The following NSUN3 variants were observed in gnomAD, a reference collection of about 807,000 sequenced individuals.
The protein encoded by NSUN3 is tRNA (cytosine(34)-C(5))-methyltransferase, mitochondrial.
A neutral mutation model predicts 36.8 loss-of-function variants in NSUN3; 24 were observed. The ratio of observed to expected loss-of-function variants is 0.65; its 90% CI spans 0.47 to 0.92. The LOEUF (loss-of-function observed/expected upper bound fraction) is 0.92, where lower values mean the gene tolerates loss of function less well. Among genes scored for constraint, NSUN3 ranks in the 40% least tolerant of loss-of-function variants. The pLI, the probability that NSUN3 is intolerant of heterozygous loss-of-function variation, is 0.00. For missense variants in NSUN3, 381 were observed against 392.8 expected (o/e 0.97, Z 0.25); for synonymous variants, 146 against 145.2 (o/e 1.01, Z -0.04).
Position 94,130,330 on chromosome 3 carries a change from G to C in NSUN3, c.*3840G>C, listed in dbSNP as rs2077504695. 6.6e-6 allele frequency among the ~76,000 whole-genome samples: 1 copy of C among 152,072 alleles called. No individual in the cohort carries two copies. Among genetic ancestry groups the C allele is most frequent in the African/African-American group, 2.4e-5 (1 of 41,408 alleles). On this transcript the variant is annotated 3_prime_UTR_variant, in exon 6 of 6. Transcript: ENST00000314622. ...AGTAATAGCAGACCCTGCACAAAGT[G>C]GATATCAGAGTTAATACTGTGAAGA...
At chr3:94,097,193 T>A (rs2077345275) in intron 5 of NSUN3, among the ~76,000 whole-genome samples, 2 of 152,174 alleles carry the variant, frequency 1.3e-5, no homozygotes, top group South Asian at 2.1e-4. Flanking sequence ...ATTTTCATTG[T>A]AAAAAAATAA....
rs138902222 is a variant in NSUN3, at chr3:94,126,008, C to T, written c.744-203C>T. On this transcript the variant is annotated intron_variant, in intron 5 of 5. Transcript: ENST00000314622. ...CTGGGAGGCAGTCATCGCAGTGAGCCGAGATGGCATCACTGCACTCCAGCC... is the reference window on the plus strand; with the variant it reads ...CTGGGAGGCAGTCATCGCAGTGAGCTGAGATGGCATCACTGCACTCCAGCC... Among the ~76,000 whole-genome samples, 1,314 of 151,072 alleles carry T rather than the reference C, an allele frequency of 8.7e-3. 17 individuals are homozygous for T. The highest frequency in any genetic ancestry group is 0.03 in the African/African-American group (1,246 of 41,146).
At chr3:94,074,458 T>G (rs1369253760) in intron 2 of NSUN3, among the ~76,000 whole-genome samples, 1 of 152,216 alleles carries the variant, frequency 6.6e-6, no homozygotes, top group African/African-American at 2.4e-5. Context: ...TTTCCATTTG[T>G]TTGTGTCCTC....
chr3:94,072,967 C>T (rs765218743), intron 2 of NSUN3, among the ~76,000 whole-genome samples: 4 of 152,094 alleles, frequency 2.6e-5, no homozygotes, highest in African/African-American at 7.2e-5. Context: ...CCTCACCACC[C>T]GACAGGCCCT....
At chr3:94,076,036 A>G (rs1170566797) in intron 2 of NSUN3, 1 of 1,608,474 alleles carries the variant, frequency 6.2e-7, no homozygotes, top group Non-Finnish European at 8.5e-7. Context: ...GTTCATTGGG[A>G]TTCCAGGAGA....
In NSUN3 at chr3:94,127,587, A is replaced by C. The variant is rs1046181980; in HGVS notation, c.*1097A>C. ...TCAGTCAGCATCACACTTTTTCTCC[A>C]GAAATTACTTCACTTAGAGTACAAA... On this transcript the variant is annotated 3_prime_UTR_variant, in exon 6 of 6. Transcript: ENST00000314622. 6.6e-6 allele frequency: 1 copy of C among 152,196 alleles called. No individual in the cohort carries two copies. The highest frequency in any genetic ancestry group is 1.5e-5 in the Non-Finnish European group (1 of 68,028). The allele number at this position is 152,196 out of a possible 1,614,324, so 9.4% of individuals were successfully genotyped here.
At chr3:94,106,495 T>C (rs1038542495) in intron 5 of NSUN3, among the ~76,000 whole-genome samples, 4 of 152,216 alleles carry the variant, frequency 2.6e-5, no homozygotes, top group Non-Finnish European at 4.4e-5. Context: ...AATAATACTT[T>C]TAAAACTGAT....
At chr3:94,068,785 T>C (rs1006945814) in intron 2 of NSUN3, among the ~76,000 whole-genome samples, 1 of 145,890 alleles carries the variant, frequency 6.9e-6, no homozygotes, top group African/African-American at 2.5e-5. Flanking sequence ...GAAAAAAAAA[T>C]ACACACACAC....
Position 94,084,417 on chromosome 3 carries a change from A to C in NSUN3, c.433A>C (p.Lys145Gln). 7 of 1,614,008 alleles carry C rather than the reference A, an allele frequency of 4.3e-6. No homozygotes were observed. The highest frequency in any genetic ancestry group is 5.9e-6 in the Non-Finnish European group (7 of 1,179,962). Reference protein sequence around the residue: ...VLDLCAAPGGKSIALLQCACP... With the variant: ...VLDLCAAPGGQSIALLQCACP... ...GGATCTCTGTGCTGCTCCTGGAGGGAAATCAATAGCTCTGCTGCAGTGTGC... is the reference window on the plus strand; with the variant it reads ...GGATCTCTGTGCTGCTCCTGGAGGGCAATCAATAGCTCTGCTGCAGTGTGC... The change falls in exon 3 of 6, where the codon AAA (lysine) becomes CAA (glutamine). Residue 145 changes from lysine to glutamine, a missense_variant. Transcript: ENST00000314622.
At position 94,071,203 on chromosome 3, in the gene NSUN3, C is replaced by T. The variant is rs936919951; in HGVS notation, c.122+6657C>T. ...ATAAGTTGTTTTGATCGGTTTTGTA[C>T]TAATAATATTATTGATCCCTGAATC... On this transcript the variant is annotated intron_variant, in intron 2 of 5. Transcript: ENST00000314622. 2.7e-4 allele frequency among the ~76,000 whole-genome samples: 41 copies of T among 152,188 alleles called. No homozygotes were observed. In the South Asian group the frequency reaches 4.1e-3, roughly 15 times the overall value.
chr3:94,126,543 A>T lies in NSUN3; in HGVS notation c.*53A>T. ...TTATTATATTTATATTTCTGAACTC[A>T]GTACATGTTAATATTTAAATAATTA... On this transcript the variant is annotated 3_prime_UTR_variant, in exon 6 of 6. Transcript: ENST00000314622. 6.8e-7 allele frequency: 1 copy of T among 1,463,448 alleles called. No individual in the cohort carries two copies. Among genetic ancestry groups the T allele is most frequent in the Admixed American group, 2.1e-5 (1 of 48,110 alleles). 90.7% of individuals were successfully genotyped at this position (1,463,448 alleles called of 1,614,324 possible).
At chr3:94,107,363 A>G (rs2077394146) in intron 5 of NSUN3, among the ~76,000 whole-genome samples, 1 of 152,016 alleles carries the variant, frequency 6.6e-6, no homozygotes, top group Admixed American at 6.6e-5. Flanking sequence ...TGGTGTGATC[A>G]TGCCGCCTTG....
chr3:94,096,203 C>T (rs1436066336), intron 5 of NSUN3, among the ~76,000 whole-genome samples: 2 of 152,138 alleles, frequency 1.3e-5, no homozygotes, highest in African/African-American at 4.8e-5. Context: ...TATACCATTA[C>T]CTAAATATTA....
intron 5 of NSUN3, among the ~76,000 whole-genome samples, chr3:94,111,267 G>A (rs2077416067): frequency 6.6e-6 from 1 of 152,196 alleles, no homozygotes; most frequent in African/African-American, 2.4e-5. Flanking sequence ...TTGCAGGACT[G>A]GAAGTTGCTC....
intron 2 of NSUN3, among the ~76,000 whole-genome samples, chr3:94,072,158 CA>C (rs1560029270): frequency 6.6e-6 from 1 of 152,158 alleles, no homozygotes; most frequent in Non-Finnish European, 1.5e-5. Flanking sequence ...AAGAGGGTTT[CA>C]GGGAGGTCAT....
In NSUN3 at chr3:94,122,171, A is replaced by C. The variant is rs865993866; in HGVS notation, c.744-4040A>C. 1.3e-3 allele frequency among the ~76,000 whole-genome samples: 190 copies of C among 151,076 alleles called. 1 individual carries two copies. Among genetic ancestry groups the C allele is most frequent in the African/African-American group, 4.4e-3 (181 of 40,998 alleles). Reference sequence around the variant, plus strand: ...CCACCTAAAAAAAAAAAAAAAAAAAACAATTTAAGTGACCTCCATGGCAAA... The same window carrying C: ...CCACCTAAAAAAAAAAAAAAAAAAACCAATTTAAGTGACCTCCATGGCAAA... On this transcript the variant is annotated intron_variant, in intron 5 of 5. Coordinates refer to ENST00000314622, the MANE Select transcript of NSUN3 (RefSeq NM_022072.5).
At chr3:94,076,408 A>C in intron 2 of NSUN3, 1 of 799,800 alleles carries the variant, frequency 1.3e-6, no homozygotes, top group Non-Finnish European at 2.3e-6. Flanking sequence ...TGTTTGAACA[A>C]GTATCCCAAA....
At position 94,128,403 on chromosome 3, in the gene NSUN3, GT is replaced by G. The variant is rs2077496352; in HGVS notation, c.*1916del. The G allele has an allele frequency of 1.3e-5, 2 of 151,698 alleles. No homozygotes were observed. Among genetic ancestry groups the G allele is most frequent in the Admixed American group, 1.3e-4 (2 of 15,212 alleles). 9.4% of individuals were successfully genotyped at this position (151,698 alleles called of 1,614,324 possible). On this transcript the variant is annotated 3_prime_UTR_variant, in exon 6 of 6. Coordinates refer to ENST00000314622, the MANE Select transcript of NSUN3 (RefSeq NM_022072.5). Reference sequence around the variant, plus strand: ...CAGACACTATAGGTTTTAAAAATAGGTTTCTTTTATGTAGGTTAATCACAGA... The same window carrying G: ...CAGACACTATAGGTTTTAAAAATAGGTTCTTTTATGTAGGTTAATCACAGA...
chr3:94,088,441 T>C (rs1171022929), intron 3 of NSUN3, among the ~76,000 whole-genome samples: 1 of 152,192 alleles, frequency 6.6e-6, no homozygotes, highest in Non-Finnish European at 1.5e-5. Context: ...TGATGACCAT[T>C]ATTTAACTCT....
Sources: gnomAD v4.1 joint callset for allele counts (sites outside exome capture counted in the v4.1 genomes callset) on GRCh38, gnomAD v4.1.1 for gene constraint, MANE v1.5 for transcripts, NCBI Gene and HGNC (gene_info 2026-07-23, HGNC 2026-07-21) for gene names.